The following MANEA variants were observed in gnomAD, a reference collection of about 807,000 sequenced individuals.
MANEA encodes mannosidase endo-alpha.
In MANEA, 25 loss-of-function variants were observed where a neutral mutation model predicts 36.8. The observed-to-expected ratio is 0.68, with a 90% CI of 0.50 to 0.95. MANEA has a LOEUF of 0.95. MANEA is among the 40% of genes least tolerant of loss of function. The pLI, the probability that MANEA is intolerant of heterozygous loss-of-function variation, is 0.00. For missense variants in MANEA, 565 were observed against 558.8 expected (o/e 1.01, Z -0.11); for synonymous variants, 198 against 188.5 (o/e 1.05, Z -0.41).
At chr6:95,591,441 A>G (rs753059271) in intron 2 of MANEA, among the ~76,000 whole-genome samples, 2 of 151,996 alleles carry the variant, frequency 1.3e-5, no homozygotes, top group Non-Finnish European at 2.9e-5. Flanking sequence ...TCTGATGAGT[A>G]GTCTGCCGTA....
rs1769776923 is a variant in MANEA, at chr6:95,609,266, T to A, written c.*2861T>A. 1 of 151,810 alleles carries A rather than the reference T, an allele frequency of 6.6e-6. No homozygotes were observed. The highest frequency in any genetic ancestry group is 6.6e-5 in the Admixed American group (1 of 15,238). 9.4% of individuals were successfully genotyped at this position (151,810 alleles called of 1,614,324 possible). ...TATGGTTTAATCAGTCTAATTGTTT[T>A]GACTGTTATAGAAACCAAATATTTT... On this transcript the variant is annotated 3_prime_UTR_variant, in exon 5 of 5. Transcript: ENST00000358812.
chr6:95,596,230 A>G (rs1769479694), intron 2 of MANEA, among the ~76,000 whole-genome samples: 1 of 152,072 alleles, frequency 6.6e-6, no homozygotes, highest in Admixed American at 6.6e-5. Context: ...AGGTTTATAG[A>G]GCTGGTAAAA....
intron 2 of MANEA, among the ~76,000 whole-genome samples, chr6:95,592,585 G>A (rs1769403815): frequency 6.6e-6 from 1 of 152,074 alleles, no homozygotes; most frequent in Non-Finnish European, 1.5e-5. Context: ...AAGAATGTTT[G>A]AGATGTTCAA....
intron 3 of MANEA, 26 bp downstream of exon 3, chr6:95,596,872 A>G (rs371987603): frequency 1.7e-6 from 2 of 1,184,952 alleles, no homozygotes; most frequent in Non-Finnish European, 2.5e-6. Context: ...TTCAAGCTAT[A>G]CATAAGTTAA....
chr6:95,590,708 C>T (rs1345413534), intron 2 of MANEA, among the ~76,000 whole-genome samples: 2 of 151,938 alleles, frequency 1.3e-5, no homozygotes, highest in African/African-American at 4.8e-5. Context: ...CTATAGATGC[C>T]CAACCTTTGG....
rs1024258092 is a variant in MANEA, at chr6:95,596,647, T to A, written c.545-90T>A. 2.2e-5 allele frequency: 15 copies of A among 680,944 alleles called. No homozygotes were observed. The African/African-American group carries it at 2.7e-4, about 12-fold the overall frequency. The allele number at this position is 680,944 out of a possible 1,614,324, so 42.2% of individuals were successfully genotyped here. ...ACCTCGTATAAATATGTTCTTCTAT[T>A]GTTAACTCTTTGGTACTTACTGTGC... On this transcript the variant is annotated intron_variant, in intron 2 of 4. Transcript: ENST00000358812.
intron 2 of MANEA, among the ~76,000 whole-genome samples, chr6:95,591,065 G>A (rs2127941018): frequency 6.6e-6 from 1 of 152,322 alleles, no homozygotes; most frequent in East Asian, 1.9e-4. Context: ...TAAAAGGCAA[G>A]ATTTGGCCGA....
At chr6:95,582,824 AATATGTGTGTATTTATGT>A (rs1321279902) in intron 1 of MANEA, among the ~76,000 whole-genome samples, 1 of 152,136 alleles carries the variant, frequency 6.6e-6, no homozygotes, top group Non-Finnish European at 1.5e-5. Flanking sequence ...TATATGTATG[AATATGTGTGTATTTATGT>A]ATATGTGTGT....
chr6:95,581,873 T>C (rs555536186), intron 1 of MANEA, among the ~76,000 whole-genome samples: 13 of 152,276 alleles, frequency 8.5e-5, no homozygotes, highest in African/African-American at 2.9e-4. Flanking sequence ...TCCAAATGTT[T>C]TCCTTCTGAA....
chr6:95,609,076 T>C lies in MANEA; in HGVS notation c.*2671T>C, dbSNP rs1769771303. On this transcript the variant is annotated 3_prime_UTR_variant, in exon 5 of 5. Transcript: ENST00000358812. ...TTTATTACAACTGCCTTTACCATTT[T>C]AGTTGTAACACAGTTTAAATTGTTA... 1 of 151,918 alleles carries C rather than the reference T, an allele frequency of 6.6e-6. No individual in the cohort carries two copies. Among genetic ancestry groups the C allele is most frequent in the East Asian group, 1.9e-4 (1 of 5,182 alleles). 9.4% of individuals were successfully genotyped at this position (151,918 alleles called of 1,614,324 possible).
In MANEA at chr6:95,607,585, T is replaced by TA. The variant is rs1221989843; in HGVS notation, c.*1181dup. The stretch of plus-strand genomic sequence containing the variant: ...ATAAAAACTAATACTTTCAATTTTT[T>TA]ATATAGTAATATCCCCATTTTGTAA... On this transcript the variant is annotated 3_prime_UTR_variant, in exon 5 of 5. Transcript: ENST00000358812. The TA allele has an allele frequency of 6.6e-6, 1 of 151,826 alleles. No homozygotes were observed. Among genetic ancestry groups the TA allele is most frequent in the East Asian group, 1.9e-4 (1 of 5,190 alleles). 9.4% of individuals were successfully genotyped at this position (151,826 alleles called of 1,614,324 possible). A position where few individuals can be genotyped will look rare whatever the true frequency, so the allele number is the denominator to read the frequency against.
At chr6:95,578,150 G>T (rs952195171) in intron 1 of MANEA, among the ~76,000 whole-genome samples, 4 of 152,180 alleles carry the variant, frequency 2.6e-5, no homozygotes, top group African/African-American at 4.8e-5. Flanking sequence ...GGAGGAGACC[G>T]CCCGATGGCG....
chr6:95,597,763 ATAG>A (rs1769507816), intron 3 of MANEA, among the ~76,000 whole-genome samples: 1 of 152,140 alleles, frequency 6.6e-6, no homozygotes, highest in Non-Finnish European at 1.5e-5. Context: ...ATAATAAGAC[ATAG>A]TAGAAGAAAG....
intron 3 of MANEA, among the ~76,000 whole-genome samples, chr6:95,599,717 A>C (rs541292509): frequency 3.7e-4 from 57 of 152,324 alleles, no homozygotes; most frequent in Admixed American, 2.6e-3. Flanking sequence ...GTAGGGAGTG[A>C]GAAAGAGCTA....
At chr6:95,593,823 GGATCAGGA>G (rs1483866825) in intron 2 of MANEA, among the ~76,000 whole-genome samples, 12 of 152,064 alleles carry the variant, frequency 7.9e-5, no homozygotes, top group Admixed American at 2.0e-4. Context: ...CGAGGTGGGA[GGATCAGGA>G]GATCAGGAGA....
chr6:95,604,752 T>C, intron 3 of MANEA, 75 bp from the exon 4 acceptor site: 1 of 591,240 alleles, frequency 1.7e-6, no homozygotes, highest in South Asian at 2.7e-5. Flanking sequence ...GTTACTTTAT[T>C]AAATATATTA....
intron 1 of MANEA, among the ~76,000 whole-genome samples, chr6:95,583,759 GT>G (rs58997574): frequency 0.6 from 90,677 of 151,856 alleles, 27,468 homozygotes; most frequent in East Asian, 0.87. Flanking sequence ...CTTTTTGAAT[GT>G]TTACTTTATA....
At chr6:95,590,852 A>T (rs1769375308) in intron 2 of MANEA, among the ~76,000 whole-genome samples, 1 of 152,170 alleles carries the variant, frequency 6.6e-6, no homozygotes, top group African/African-American at 2.4e-5. Context: ...TATTGTCGTA[A>T]TTCTGTCACA....
intron 2 of MANEA, among the ~76,000 whole-genome samples, chr6:95,591,862 C>T (rs183762304): frequency 1.2e-3 from 182 of 152,170 alleles, no homozygotes; most frequent in African/African-American, 3.7e-3. Flanking sequence ...CTCCACCACG[C>T]GTAGCTAATT....
Sources: allele counts gnomAD v4.1 joint callset (sites outside exome capture counted in the v4.1 genomes callset), GRCh38; gene constraint gnomAD v4.1.1; transcripts MANE v1.5; gene names NCBI Gene and HGNC (gene_info 2026-07-23, HGNC 2026-07-21).